The following SPIDR variants were observed in gnomAD, a reference collection of about 807,000 sequenced individuals.
The protein encoded by SPIDR is scaffold protein involved in DNA repair, also known as DNA repair-scaffolding protein.
SPIDR carries 93 observed loss-of-function variants against 104.6 expected under a neutral mutation model. That is an observed-to-expected ratio of 0.89 (90% CI 0.75 to 1.06). The LOEUF (loss-of-function observed/expected upper bound fraction) is 1.06, where lower values mean the gene tolerates loss of function less well. SPIDR is among the 50% of genes least tolerant of loss of function. The pLI, the probability that SPIDR is intolerant of heterozygous loss-of-function variation, is 0.00. For synonymous variants in SPIDR, 431 were observed against 416.9 expected, an observed-to-expected ratio of 1.03 and a Z score of -0.41; for missense variants, 1,154 against 1,111.2, an observed-to-expected ratio of 1.04 and a Z score of -0.55.
chr8:47,348,995 C>G (rs10108778), intron 5 of SPIDR, among the ~76,000 whole-genome samples: 111,448 of 152,118 alleles, frequency 0.73, 40,972 homozygotes, highest in East Asian at 0.81. Context: ...TTTGATTGCT[C>G]GTGAGGAGCT....
rs141684184 is a variant in SPIDR, at chr8:47,547,367, C to T, written c.1098-48444C>T. 8.5e-4 allele frequency: 323 copies of T among 379,936 alleles called. 1 individual carries two copies. The highest frequency in any genetic ancestry group is 2.1e-3 in the African/African-American group (96 of 46,600). 23.5% of individuals were successfully genotyped at this position (379,936 alleles called of 1,614,324 possible). ...GCAGGGTGGGTTATATCAGTTCGAACGTTGCCATCAATCTTAATGAACCAC... is the reference window on the plus strand; with the variant it reads ...GCAGGGTGGGTTATATCAGTTCGAATGTTGCCATCAATCTTAATGAACCAC... On this transcript the variant is annotated intron_variant, in intron 8 of 19. Coordinates refer to ENST00000297423, the MANE Select transcript of SPIDR (RefSeq NM_001080394.4).
At chr8:47,548,531 C>T (rs538071001) in intron 8 of SPIDR, among the ~76,000 whole-genome samples, 60 of 152,248 alleles carry the variant, frequency 3.9e-4, no homozygotes, top group African/African-American at 1.3e-3. Context: ...GCCTCTAATC[C>T]CAGCTACTCG....
chr8:47,711,520 G>A (rs1222288939), intron 14 of SPIDR, among the ~76,000 whole-genome samples: 2 of 151,908 alleles, frequency 1.3e-5, no homozygotes, highest in African/African-American at 4.8e-5. Context: ...GTGCCACTGT[G>A]GCTGGTTAAG....
intron 5 of SPIDR, among the ~76,000 whole-genome samples, chr8:47,303,714 A>G (rs1263028874): frequency 6.6e-6 from 1 of 152,194 alleles, no homozygotes; most frequent in African/African-American, 2.4e-5. Context: ...ATCCCACTTG[A>G]TCATGTGAAT....
At chr8:47,456,507 A>G (rs191267022) in intron 8 of SPIDR, among the ~76,000 whole-genome samples, 6 of 152,216 alleles carry the variant, frequency 3.9e-5, no homozygotes, top group Non-Finnish European at 7.4e-5. Context: ...AATGAACCCT[A>G]GAAATCACTA....
intron 8 of SPIDR, among the ~76,000 whole-genome samples, chr8:47,462,771 A>T (rs1487438643): frequency 6.6e-6 from 1 of 152,202 alleles, no homozygotes; most frequent in Non-Finnish European, 1.5e-5. Flanking sequence ...ATCAGAGAGC[A>T]TTTCTAAAGA....
At chr8:47,634,517 T>G (rs2067586543) in intron 10 of SPIDR, among the ~76,000 whole-genome samples, 1 of 152,178 alleles carries the variant, frequency 6.6e-6, no homozygotes, top group African/African-American at 2.4e-5. Flanking sequence ...AAAGGAAACT[T>G]AATATTCTGA....
At chr8:47,412,934 A>C (rs2063741227) in intron 7 of SPIDR, among the ~76,000 whole-genome samples, 1 of 152,146 alleles carries the variant, frequency 6.6e-6, no homozygotes, top group Admixed American at 6.5e-5. Flanking sequence ...CCAGAAAAAT[A>C]TTTCCTTGCC....
intron 10 of SPIDR, among the ~76,000 whole-genome samples, chr8:47,670,284 T>C (rs2075620847): frequency 6.6e-6 from 1 of 152,072 alleles, no homozygotes; most frequent in African/African-American, 2.4e-5. Flanking sequence ...AGGAGGCCTT[T>C]AAATGGTGTA....
chr8:47,410,522 T>C (rs1288074151), intron 7 of SPIDR, among the ~76,000 whole-genome samples: 1 of 152,140 alleles, frequency 6.6e-6, no homozygotes, highest in African/African-American at 2.4e-5. Context: ...TCCATTGTTA[T>C]ACTTACGACT....
intron 8 of SPIDR, among the ~76,000 whole-genome samples, chr8:47,576,293 A>G (rs943342947): frequency 6.6e-6 from 1 of 152,196 alleles, no homozygotes; most frequent in Non-Finnish European, 1.5e-5. Context: ...CTAGGATTAC[A>G]GGCACATGCC....
At chr8:47,574,621 A>C (rs543835041) in intron 8 of SPIDR, among the ~76,000 whole-genome samples, 55 of 152,230 alleles carry the variant, frequency 3.6e-4, no homozygotes, top group Non-Finnish European at 6.9e-4. Flanking sequence ...AAAATAAAAA[A>C]AAATAAAAAC....
At chr8:47,692,355 TTCCGTC>T (rs2078771460) in intron 11 of SPIDR, among the ~76,000 whole-genome samples, 1 of 152,110 alleles carries the variant, frequency 6.6e-6, no homozygotes, top group Admixed American at 6.6e-5. Context: ...CTCCTCTGCT[TTCCGTC>T]TCTGTGGATT....
At chr8:47,616,400 T>C (rs1324170867) in intron 10 of SPIDR, among the ~76,000 whole-genome samples, 1 of 152,230 alleles carries the variant, frequency 6.6e-6, no homozygotes, top group Non-Finnish European at 1.5e-5. Context: ...AAGTGCTTTT[T>C]CTGCACAGTA....
intron 8 of SPIDR, among the ~76,000 whole-genome samples, chr8:47,487,558 C>T (rs1430352444): frequency 1.3e-5 from 2 of 152,106 alleles, no homozygotes; most frequent in Non-Finnish European, 1.5e-5. Context: ...ATACATTCTT[C>T]CCAGCACCAC....
intron 10 of SPIDR, among the ~76,000 whole-genome samples, chr8:47,608,472 G>A (rs2063230831): frequency 6.6e-6 from 1 of 152,152 alleles, no homozygotes. Flanking sequence ...GCATGGAATT[G>A]CTGAGTCATA....
intron 7 of SPIDR, among the ~76,000 whole-genome samples, chr8:47,416,065 G>A (rs1350789489): frequency 2.6e-5 from 4 of 152,170 alleles, no homozygotes; most frequent in African/African-American, 4.8e-5. Flanking sequence ...CCAACATGGT[G>A]AAACCCTGCC....
At chr8:47,324,591 A>G (rs1325629904) in intron 5 of SPIDR, among the ~76,000 whole-genome samples, 2 of 152,178 alleles carry the variant, frequency 1.3e-5, no homozygotes, top group Admixed American at 6.5e-5. Context: ...ATTAACACCT[A>G]TATTACTAAT....
intron 11 of SPIDR, among the ~76,000 whole-genome samples, chr8:47,686,209 A>G (rs2077795169): frequency 6.6e-6 from 1 of 152,198 alleles, no homozygotes. Context: ...CACATGTTCC[A>G]TAGTTCTTCT....
Sources: gnomAD v4.1 joint callset for allele counts (sites outside exome capture counted in the v4.1 genomes callset) on GRCh38, gnomAD v4.1.1 for gene constraint, MANE v1.5 for transcripts, NCBI Gene and HGNC (gene_info 2026-07-23, HGNC 2026-07-21) for gene names.